The following IVNS1ABP variants were observed in gnomAD, a reference collection of about 807,000 sequenced individuals.
IVNS1ABP encodes the protein influenza virus NS1A binding protein.
In IVNS1ABP, 25 loss-of-function variants were observed where a neutral mutation model predicts 78.9. The ratio of observed to expected loss-of-function variants is 0.32; its 90% CI spans 0.23 to 0.44. The LOEUF (loss-of-function observed/expected upper bound fraction) is 0.44. IVNS1ABP is among the 20% of genes least tolerant of loss of function. The pLI is 1.00. For missense variants in IVNS1ABP, 494 were observed against 768.9 expected, an observed-to-expected ratio of 0.64 and a Z score of 4.23; for synonymous variants, 241 against 259.7, an observed-to-expected ratio of 0.93 and a Z score of 0.69.
chr1:185,301,601 A>G (rs774189791), intron 8 of IVNS1ABP, 38 bp from the exon 9 acceptor site: 2 of 1,610,708 alleles, frequency 1.2e-6, no homozygotes, highest in Non-Finnish European at 1.7e-6. Context: ...ACCTAGCCAA[A>G]GACCACATCT....
chr1:185,308,462 C>T (rs1665796858), intron 5 of IVNS1ABP, among the ~76,000 whole-genome samples: 1 of 152,120 alleles, frequency 6.6e-6, no homozygotes, highest in Non-Finnish European at 1.5e-5. Flanking sequence ...TTAGAGAGCA[C>T]AGGAAGTTTA....
chr1:185,303,739 T>G (rs1665661231), intron 8 of IVNS1ABP, among the ~76,000 whole-genome samples: 1 of 152,106 alleles, frequency 6.6e-6, no homozygotes, highest in South Asian at 2.1e-4. Flanking sequence ...GTCTATAAAC[T>G]GGGCTCAAAC....
chr1:185,313,646 A>G (rs894775475), intron 1 of IVNS1ABP, among the ~76,000 whole-genome samples: 2 of 152,164 alleles, frequency 1.3e-5, no homozygotes, highest in Non-Finnish European at 2.9e-5. Flanking sequence ...CAAGCACGAT[A>G]ACTAGTGGAA....
chr1:185,315,653 T>A (rs1032235891), intron 1 of IVNS1ABP, among the ~76,000 whole-genome samples: 2 of 152,226 alleles, frequency 1.3e-5, no homozygotes, highest in African/African-American at 2.4e-5. Context: ...ACAACTACTC[T>A]TTCAGTATCT....
At position 185,300,510 on chromosome 1, in the gene IVNS1ABP, G is replaced by T; in HGVS notation, c.1169C>A (p.Pro390Gln). Reference sequence around the variant, plus strand: ...AAGAAAGGACCAGTGATCTGTATGTGGATTATAGCATTCGACTGTTCGAAG... The same window carrying T: ...AAGAAAGGACCAGTGATCTGTATGTTGATTATAGCATTCGACTGTTCGAAG... Reference protein sequence around the residue: ...ECLRTVECYNPHTDHWSFLAP... With the variant: ...ECLRTVECYNQHTDHWSFLAP... Residue 390 changes from proline to glutamine, a missense_variant, in exon 11 of 15, where the codon CCA becomes CAA. Pro to Gln is a moderately conservative substitution (Grantham distance 76). Coordinates refer to ENST00000367498, the MANE Select transcript of IVNS1ABP (RefSeq NM_006469.5). 6.2e-7 allele frequency: 1 copy of T among 1,613,394 alleles called. No individual in the cohort carries two copies. Among genetic ancestry groups the T allele is most frequent in the Non-Finnish European group, 8.5e-7 (1 of 1,179,534 alleles).
intron 1 of IVNS1ABP, among the ~76,000 whole-genome samples, chr1:185,314,503 T>C (rs918138624): frequency 2.0e-5 from 3 of 152,146 alleles, no homozygotes; most frequent in African/African-American, 7.2e-5. Flanking sequence ...TTTCAATAGA[T>C]TGTAGATTTG....
rs1220759654 is a variant in IVNS1ABP at position 185,298,541 on chromosome 1, AT to A, written c.1676-254del. 6.1e-6 allele frequency: 3 copies of A among 493,824 alleles called. No homozygotes were observed. Among genetic ancestry groups the A allele is most frequent in the African/African-American group, 5.8e-5 (3 of 51,340 alleles). 30.6% of individuals were successfully genotyped at this position (493,824 alleles called of 1,614,324 possible). Reference sequence around the variant, plus strand: ...GGGAGGGAGAGGAAGCAGTAGCAGCATCTAAATAAGTACAATTTTCACCAAC... The same window carrying A: ...GGGAGGGAGAGGAAGCAGTAGCAGCACTAAATAAGTACAATTTTCACCAAC... On this transcript the variant is annotated intron_variant, in intron 14 of 14. Transcript: ENST00000367498. This position sits in a 1 kb window ranked among gnomAD's most constrained non-coding sequence, Gnocchi z 4.1.
intron 7 of IVNS1ABP, 117 bp downstream of exon 7, chr1:185,306,897 T>C (rs1665752884): frequency 8.7e-6 from 10 of 1,153,448 alleles, no homozygotes; most frequent in Non-Finnish European, 1.2e-5. Flanking sequence ...GGGGTACCTA[T>C]AGCAAAATTT....
chr1:185,310,422 A>G (rs1665854611), intron 2 of IVNS1ABP, among the ~76,000 whole-genome samples: 1 of 152,132 alleles, frequency 6.6e-6, no homozygotes, highest in Non-Finnish European at 1.5e-5. Flanking sequence ...AGCCTGGCCA[A>G]CATGGTGAAA....
chr1:185,310,785 G>A (rs1395116379), intron 2 of IVNS1ABP, among the ~76,000 whole-genome samples: 1 of 151,530 alleles, frequency 6.6e-6, no homozygotes, highest in East Asian at 1.9e-4. Flanking sequence ...GGCTGAGGCA[G>A]GAGAAGCACT....
At chr1:185,314,803 TA>T (rs1665972310) in intron 1 of IVNS1ABP, among the ~76,000 whole-genome samples, 1 of 152,206 alleles carries the variant, frequency 6.6e-6, no homozygotes, top group African/African-American at 2.4e-5. Flanking sequence ...GCATCCTTAT[TA>T]AAATCAATTA....
chr1:185,312,889 G>A (rs527315512), intron 1 of IVNS1ABP, among the ~76,000 whole-genome samples: 2 of 152,188 alleles, frequency 1.3e-5, no homozygotes, highest in South Asian at 4.2e-4. Context: ...TCAATTCACA[G>A]GCATAGTTGG....
chr1:185,298,327 A>G lies in IVNS1ABP; in HGVS notation c.1676-39T>C. ...GAGATGGGGTAAATCCAGAGATTAAAGTGTAATAAGGTAAAACTCCCCTAA... is the reference window on the plus strand; with the variant it reads ...GAGATGGGGTAAATCCAGAGATTAAGGTGTAATAAGGTAAAACTCCCCTAA... On this transcript the variant is annotated intron_variant, in intron 14 of 14. Coordinates refer to ENST00000367498, the MANE Select transcript of IVNS1ABP (RefSeq NM_006469.5). This position sits in a 1 kb window ranked among gnomAD's most constrained non-coding sequence, Gnocchi z 4.1. 1 of 1,588,260 alleles carries G rather than the reference A, an allele frequency of 6.3e-7. No homozygotes were observed. Among genetic ancestry groups the G allele is most frequent in the Non-Finnish European group, 8.6e-7 (1 of 1,163,176 alleles).
At chr1:185,300,587 A>T (rs781447606) in intron 10 of IVNS1ABP, 29 bp from the exon 11 acceptor site, 1 of 1,606,480 alleles carries the variant, frequency 6.2e-7, no homozygotes, top group Admixed American at 1.7e-5. Context: ...ATAAAGATTT[A>T]TGTTTAAAAT....
rs750012789 is a variant in IVNS1ABP at position 185,301,471 on chromosome 1, C to G, written c.858G>C (p.Lys286Asn). 1 of 1,613,278 alleles carries G rather than the reference C, an allele frequency of 6.2e-7. No homozygotes were observed. The highest frequency in any genetic ancestry group is 2.2e-5 in the East Asian group (1 of 44,850). ...CTGAAGCAACGATTTTCCACTCATGCTTAGGGCTTTGTACTGTAGCATTTG... is the reference window on the plus strand; with the variant it reads ...CTGAAGCAACGATTTTCCACTCATGGTTAGGGCTTTGTACTGTAGCATTTG... ...SSPNATVQSP[K>N]HEWKIVASEK... is the part of the protein sequence containing the mutation. Residue 286 changes from lysine to asparagine, a missense_variant, in exon 9 of 15, where the codon AAG becomes AAC. Physicochemically the swap from Lys to Asn is moderately conservative, Grantham distance 94 (BLOSUM62 0). Coordinates refer to ENST00000367498, the MANE Select transcript of IVNS1ABP (RefSeq NM_006469.5).
rs74611485 is a variant in IVNS1ABP at position 185,304,513 on chromosome 1, G to T, written c.765+1023C>A. Among the ~76,000 whole-genome samples, 833 of 152,186 alleles carry T rather than the reference G, an allele frequency of 5.5e-3. 33 individuals carry two copies. The East Asian group carries it at 0.092, about 17-fold the overall frequency. ...TTGTAACCATATAGGCTACTACTAA[G>T]TCTACCACTTACCCTCTGATTTTTA... On this transcript the variant is annotated intron_variant, in intron 8 of 14. Coordinates refer to ENST00000367498, the MANE Select transcript of IVNS1ABP (RefSeq NM_006469.5).
chr1:185,313,240 G>C (rs1169934160), intron 1 of IVNS1ABP, among the ~76,000 whole-genome samples: 1 of 152,096 alleles, frequency 6.6e-6, no homozygotes, highest in African/African-American at 2.4e-5. Flanking sequence ...TATGAGTTTT[G>C]CAGTAAAATG....
chr1:185,304,076 A>T (rs1261653040), intron 8 of IVNS1ABP, among the ~76,000 whole-genome samples: 1 of 152,088 alleles, frequency 6.6e-6, no homozygotes, highest in African/African-American at 2.4e-5. Flanking sequence ...TCTGCTATGC[A>T]GACTCCTCTA....
intron 1 of IVNS1ABP, among the ~76,000 whole-genome samples, chr1:185,313,698 A>G (rs1014544125): frequency 6.6e-6 from 1 of 152,188 alleles, no homozygotes; most frequent in African/African-American, 2.4e-5. Flanking sequence ...AATCCAAACC[A>G]AAAGTCCAGA....
Sources: gnomAD v4.1 joint callset for allele counts (sites outside exome capture counted in the v4.1 genomes callset) on GRCh38, gnomAD v4.1.1 for gene constraint, Gnocchi (gnomAD v3.1) non-coding constraint, MANE v1.5 for transcripts, NCBI Gene and HGNC (gene_info 2026-07-23, HGNC 2026-07-21) for gene names.